MYH15: variants seen among roughly 807,000 people sequenced by gnomAD.
The protein encoded by MYH15 is myosin heavy chain 15.
A neutral mutation model predicts 240.5 loss-of-function variants in MYH15; 227 were observed. That is an observed-to-expected ratio of 0.94 (90% confidence interval 0.85 to 1.05). The LOEUF (loss-of-function observed/expected upper bound fraction) is 1.05. Ranked by LOEUF, MYH15 falls within the 50% of genes least tolerant of loss-of-function variation. The pLI is 0.00. For missense variants in MYH15, 2,217 were observed against 2,247.5 expected, an observed-to-expected ratio of 0.99 and a Z score of 0.27; for synonymous variants, 785 against 796.7, an observed-to-expected ratio of 0.99 and a Z score of 0.25.
intron 1 of MYH15, among the ~76,000 whole-genome samples, chr3:108,516,036 T>A (rs930332377): frequency 1.3e-5 from 2 of 152,146 alleles, no homozygotes; most frequent in Non-Finnish European, 2.9e-5. Flanking sequence ...AATATGGGGA[T>A]GAGGGGGTGC....
chr3:108,474,279 A>C (rs895755904), intron 12 of MYH15, among the ~76,000 whole-genome samples: 3 of 151,632 alleles, frequency 2.0e-5, no homozygotes, highest in Non-Finnish European at 4.4e-5. Context: ...AGAGAGAGAG[A>C]GAGCGAGAGG....
chr3:108,483,202 T>C (rs992325113), intron 11 of MYH15, among the ~76,000 whole-genome samples: 1 of 81,106 alleles, frequency 1.2e-5, no homozygotes, highest in African/African-American at 4.9e-5. Flanking sequence ...TCTGTCTCCA[T>C]AAAAAAAAAA....
chr3:108,486,645 A>G, intron 9 of MYH15, 119 bp from the exon 10 acceptor site: 1 of 569,226 alleles, frequency 1.8e-6, no homozygotes, highest in East Asian at 3.0e-5. Flanking sequence ...ACAAGCCAAA[A>G]TAAAATCCAT....
At chr3:108,439,671 AG>A (rs2082869223) in intron 24 of MYH15, 65 bp downstream of exon 24, 1 of 1,277,820 alleles carries the variant, frequency 7.8e-7, no homozygotes, top group Admixed American at 2.8e-5. Flanking sequence ...AAATTAATGA[AG>A]TAAAAACTGG....
intron 25 of MYH15, among the ~76,000 whole-genome samples, chr3:108,436,688 G>C (rs1305210040): frequency 6.6e-6 from 1 of 152,148 alleles, no homozygotes; most frequent in African/African-American, 2.4e-5. Flanking sequence ...ATGGGCACAT[G>C]CCATCACGCC....
rs3749275 is a variant in MYH15 at position 108,381,372 on chromosome 3, C to G, written c.*173G>C. On this transcript the variant is annotated 3_prime_UTR_variant, in exon 41 of 41. Transcript: ENST00000693548. ...TTGAGGATCAAAAAATCCCCATTAA[C>G]TGTGGAAGCAATGATATTCCCTTTA... 932 of 711,698 alleles carry G rather than the reference C, an allele frequency of 1.3e-3. 12 individuals are homozygous for G. The East Asian group carries it at 0.022, about 17-fold the overall frequency. 44.1% of individuals were successfully genotyped at this position (711,698 alleles called of 1,614,324 possible). A position where few individuals can be genotyped will look rare whatever the true frequency, so the allele number is the denominator to read the frequency against.
intron 25 of MYH15, 51 bp downstream of exon 25, chr3:108,437,503 C>T: frequency 1.3e-6 from 2 of 1,568,156 alleles, no homozygotes; most frequent in Non-Finnish European, 1.7e-6. Flanking sequence ...AAAGCTGTTC[C>T]TTCTAATATA....
At chr3:108,494,583 A>T (rs1471845583) in intron 7 of MYH15, among the ~76,000 whole-genome samples, 1 of 151,934 alleles carries the variant, frequency 6.6e-6, no homozygotes, top group Non-Finnish European at 1.5e-5. Context: ...AGCCTCAAAC[A>T]CCTGGGTTCA....
chr3:108,398,501 T>G (rs1323065314), intron 35 of MYH15, 136 bp downstream of exon 35: 1 of 736,686 alleles, frequency 1.4e-6, no homozygotes. Flanking sequence ...AAATGAAGAG[T>G]ATGAACATGC....
chr3:108,398,511 C>G (rs5027680), intron 35 of MYH15, 126 bp downstream of exon 35: 2 of 857,408 alleles, frequency 2.3e-6, no homozygotes, highest in East Asian at 2.5e-5. Flanking sequence ...TATGAACATG[C>G]CTTGCTTCAC....
chr3:108,516,223 G>T (rs1267084581), intron 1 of MYH15, among the ~76,000 whole-genome samples: 1 of 152,150 alleles, frequency 6.6e-6, no homozygotes, highest in Non-Finnish European at 1.5e-5. Flanking sequence ...ATCAAGGTAC[G>T]TTATTATGCA....
chr3:108,537,845 T>C, the MYH15 span, among the ~76,000 whole-genome samples: 2 of 152,236 alleles, frequency 1.3e-5, no homozygotes, highest in African/African-American at 4.8e-5. Flanking sequence ...AAGAAAATAA[T>C]ACATAGCCCA....
chr3:108,441,258 C>T lies in MYH15; in HGVS notation c.2658G>A (p.Glu886=). 2 of 1,613,874 alleles carry T rather than the reference C, an allele frequency of 1.2e-6. No individual in the cohort carries two copies. Among genetic ancestry groups the T allele is most frequent in the Non-Finnish European group, 1.7e-6 (2 of 1,179,854 alleles). The part of the protein sequence containing the change: ...KNDLILQLQA[E]QETLANVEEQ... ...CTTCAACATTTGCCAGTGTCTCTTG[C>T]TCCTGCCATGATGAGGAGAAAATTG... Residue 886 remains glutamate, a splice_region_variant and synonymous_variant, in exon 23 of 41, where the codon GAG becomes GAA. Coordinates refer to ENST00000693548, the MANE Select transcript of MYH15 (RefSeq NM_014981.3).
chr3:108,506,929 G>C (rs2083481136), intron 1 of MYH15, among the ~76,000 whole-genome samples: 1 of 152,122 alleles, frequency 6.6e-6, no homozygotes, highest in Non-Finnish European at 1.5e-5. Flanking sequence ...TACTCAGGAG[G>C]CTGAGGCAGG....
chr3:108,551,013 T>G, the MYH15 span: 1 of 399,100 alleles, frequency 2.5e-6, no homozygotes. Flanking sequence ...ATGCAACAGA[T>G]CAGGGTCTTT....
chr3:108,474,856 T>C (rs1025655588), intron 12 of MYH15, among the ~76,000 whole-genome samples: 10 of 152,310 alleles, frequency 6.6e-5, no homozygotes, highest in African/African-American at 1.9e-4. Context: ...TATTTTAACA[T>C]GCGTGGAGCA....
intron 2 of MYH15, among the ~76,000 whole-genome samples, chr3:108,504,979 G>GC (rs1460992143): frequency 1.3e-5 from 2 of 152,118 alleles, no homozygotes; most frequent in African/African-American, 2.4e-5. Context: ...TTCTTCTGTG[G>GC]CATTTGTCAT....
chr3:108,463,358 A>T, intron 15 of MYH15, 115 bp from the exon 16 acceptor site: 4 of 1,148,064 alleles, frequency 3.5e-6, no homozygotes, highest in Non-Finnish European at 4.9e-6. Flanking sequence ...TCTGTTATCC[A>T]GGCTAGAATG....
chr3:108,427,617 AACAC>A (rs150751928), intron 27 of MYH15, among the ~76,000 whole-genome samples: 1 of 122,974 alleles, frequency 8.1e-6, no homozygotes, highest in African/African-American at 2.9e-5. Flanking sequence ...ACACACACAC[AACAC>A]ACACACACAC....
Sources: gnomAD v4.1 joint callset for allele counts (sites outside exome capture counted in the v4.1 genomes callset) on GRCh38, gnomAD v4.1.1 for gene constraint, MANE v1.5 for transcripts, NCBI Gene and HGNC (gene_info 2026-07-23, HGNC 2026-07-21) for gene names.